Variants in DGKI observed in about 807,000 individuals in gnomAD.
DGKI encodes the protein diacylglycerol kinase iota, also known as DAG kinase iota.
DGKI carries 55 observed loss-of-function variants against 147.5 expected under a neutral mutation model. The observed-to-expected ratio is 0.37, with a 90% confidence interval of 0.30 to 0.47. The LOEUF (loss-of-function observed/expected upper bound fraction) is 0.47. Among genes scored for constraint, DGKI ranks in the 20% least tolerant of loss-of-function variants. DGKI has a pLI of 1.00. For missense variants in DGKI, 1,007 were observed against 1,323.8 expected (o/e 0.76, Z 3.71); for synonymous variants, 469 against 477.1 (o/e 0.98, Z 0.22).
intron 17 of DGKI, among the ~76,000 whole-genome samples, chr7:137,575,459 G>A (rs1253043847): frequency 6.6e-6 from 1 of 152,164 alleles, no homozygotes; most frequent in Non-Finnish European, 1.5e-5. Flanking sequence ...TATCAATCCG[G>A]TGACTTGCAC....
chr7:137,469,827 G>A (rs1419343190), intron 23 of DGKI, among the ~76,000 whole-genome samples: 3 of 152,020 alleles, frequency 2.0e-5, no homozygotes, highest in South Asian at 2.1e-4. Flanking sequence ...AAATTAGCAT[G>A]AGGTTTTTAA....
intron 28 of DGKI, among the ~76,000 whole-genome samples, chr7:137,436,334 A>G (rs1031178000): frequency 3.9e-5 from 6 of 152,148 alleles, no homozygotes; most frequent in Non-Finnish European, 7.4e-5. Context: ...AAAAATTCCC[A>G]TCTTTAATAA....
At chr7:137,504,479 A>T (rs1816296207) in intron 21 of DGKI, among the ~76,000 whole-genome samples, 2 of 152,214 alleles carry the variant, frequency 1.3e-5, no homozygotes, top group Admixed American at 6.5e-5. Context: ...GCTTTTTAAA[A>T]AAGGTTATCA....
chr7:137,846,680 C>T lies in DGKI; in HGVS notation c.183G>A (p.Glu61=), dbSNP rs531052468. The part of the protein sequence containing the change: ...GAMNPSSSAG[E]EKGATGGSSS... The stretch of plus-strand genomic sequence containing the variant: ...TGCTGCCGCCCGTCGCCCCTTTCTC[C>T]TCTCCCGCCGAGGAGCTGGGGTTCA... The change falls in exon 1 of 33, where the codon GAG becomes GAA. Residue 61 remains glutamate, a synonymous_variant. Coordinates refer to ENST00000614521, the MANE Select transcript of DGKI (RefSeq NM_001321708.2). The surrounding 1 kb of genome is among the most constrained non-coding windows in gnomAD (Gnocchi z 4.0). 1.1e-4 allele frequency: 123 copies of T among 1,071,286 alleles called. No individual in the cohort carries two copies. In the African/African-American group the frequency reaches 2.0e-3, roughly 17 times the overall value. 66.4% of individuals were successfully genotyped at this position (1,071,286 alleles called of 1,614,324 possible). A position where few individuals can be genotyped will look rare whatever the true frequency, so the allele number is the denominator to read the frequency against.
rs1431669704 is a variant in DGKI, at chr7:137,388,206, T to C, written c.*3014A>G. The C allele has an allele frequency of 2.6e-5, 4 of 152,226 alleles. No individual in the cohort carries two copies. The highest frequency in any genetic ancestry group is 9.6e-5 in the African/African-American group (4 of 41,460). The allele number at this position is 152,226 out of a possible 1,614,324, so 9.4% of individuals were successfully genotyped here. On this transcript the variant is annotated 3_prime_UTR_variant, in exon 33 of 33. Coordinates refer to ENST00000614521, the MANE Select transcript of DGKI (RefSeq NM_001321708.2). ...TACTAATCTTCTCTCTTATTCTTTA[T>C]GAAGTCCTTGAATACGATAAAGCAC...
chr7:137,588,744 G>A (rs975954761), intron 12 of DGKI, among the ~76,000 whole-genome samples: 1 of 152,076 alleles, frequency 6.6e-6, no homozygotes, highest in African/African-American at 2.4e-5. Flanking sequence ...CCAAAGTGCT[G>A]GGATTACAGG....
intron 1 of DGKI, among the ~76,000 whole-genome samples, chr7:137,715,972 G>T (rs946341796): frequency 6.6e-6 from 1 of 152,168 alleles, no homozygotes; most frequent in Non-Finnish European, 1.5e-5. Context: ...CCTTGTGCTG[G>T]TTACAAAAAG....
chr7:137,705,031 A>G lies in DGKI; in HGVS notation c.402-15029T>C, dbSNP rs1306958695. Among the ~76,000 whole-genome samples, 7 of 152,208 alleles carry G rather than the reference A, an allele frequency of 4.6e-5. No homozygotes were observed. In the East Asian group the frequency reaches 9.6e-4, roughly 21 times the overall value. On this transcript the variant is annotated intron_variant, in intron 1 of 32. Transcript: ENST00000614521. The stretch of plus-strand genomic sequence containing the variant: ...GAAAAAAATGCTCAATACTTTAGCT[A>G]TCTGGGTAATGTAAAGTAAATCCAA...
rs765984551 is a variant in DGKI, at chr7:137,585,358, G to T, written c.1426-12C>A. On this transcript the variant is annotated splice_polypyrimidine_tract_variant and intron_variant, in intron 13 of 32. Coordinates refer to ENST00000614521, the MANE Select transcript of DGKI (RefSeq NM_001321708.2). ...TCATCAGTGTAGCCCTGAGGAATCA[G>T]AGAACATATCCATTGCTGTCCAGAG... is the stretch of plus-strand genomic sequence containing the variant. The T allele has an allele frequency of 1.9e-6, 3 of 1,613,544 alleles. No homozygotes were observed.
chr7:137,663,382 T>C (rs1276597023), intron 3 of DGKI, among the ~76,000 whole-genome samples: 2 of 152,230 alleles, frequency 1.3e-5, no homozygotes, highest in African/African-American at 4.8e-5. Flanking sequence ...AAAAAGGGTC[T>C]AGCAGAGAAA....
chr7:137,382,013 CAGA>C lies in DGKI; in HGVS notation c.*9204_*9206del, dbSNP rs1811072774. The stretch of plus-strand genomic sequence containing the variant: ...TGGCGAATAAAAATTCTTTGATCTC[CAGA>C]AGATCAGGAGATCAGGAGCCATTTG... On this transcript the variant is annotated 3_prime_UTR_variant, in exon 33 of 33. Transcript: ENST00000614521. The C allele has an allele frequency of 6.6e-6, 1 of 151,900 alleles. No individual in the cohort carries two copies. The highest frequency in any genetic ancestry group is 2.4e-5 in the African/African-American group (1 of 41,354). The allele number at this position is 151,900 out of a possible 1,614,324, so 9.4% of individuals were successfully genotyped here.
intron 20 of DGKI, among the ~76,000 whole-genome samples, chr7:137,528,053 A>G (rs887519381): frequency 1.3e-5 from 2 of 152,222 alleles, no homozygotes; most frequent in African/African-American, 2.4e-5. Flanking sequence ...GTTTTTGAAC[A>G]AATGAGTAAA....
chr7:137,460,961 T>C (rs1459337528), intron 27 of DGKI, among the ~76,000 whole-genome samples: 1 of 152,212 alleles, frequency 6.6e-6, no homozygotes, highest in African/African-American at 2.4e-5. Flanking sequence ...TTACCACCAT[T>C]ATATTTTGTT....
intron 1 of DGKI, among the ~76,000 whole-genome samples, chr7:137,712,472 A>G (rs1415273119): frequency 3.3e-5 from 5 of 152,228 alleles, no homozygotes; most frequent in Non-Finnish European, 7.3e-5. Flanking sequence ...AGAATGTGCA[A>G]TAATAAAAAT....
chr7:137,731,650 C>T (rs1342197314), intron 1 of DGKI, among the ~76,000 whole-genome samples: 3 of 152,100 alleles, frequency 2.0e-5, no homozygotes, highest in African/African-American at 7.2e-5. Context: ...ACTCACATTT[C>T]TCCTTGCATT....
chr7:137,757,196 G>A (rs559509545), intron 1 of DGKI, among the ~76,000 whole-genome samples: 24 of 151,878 alleles, frequency 1.6e-4, no homozygotes, highest in Non-Finnish European at 2.6e-4. Flanking sequence ...CTGGGTCATC[G>A]GGCTTCCCCC....
intron 21 of DGKI, among the ~76,000 whole-genome samples, chr7:137,506,023 C>G (rs1816357047): frequency 6.6e-6 from 1 of 152,170 alleles, no homozygotes; most frequent in South Asian, 2.1e-4. Flanking sequence ...TAGAAAACAG[C>G]ACAGCCACGT....
rs190096435 is a variant in DGKI, at chr7:137,381,406, G to C, written c.*9814C>G. 4 of 150,036 alleles carry C rather than the reference G, an allele frequency of 2.7e-5. 1 individual carries two copies. The Admixed American group carries it at 2.7e-4, about 10-fold the overall frequency. The allele number at this position is 150,036 out of a possible 1,614,324, so 9.3% of individuals were successfully genotyped here. On this transcript the variant is annotated 3_prime_UTR_variant, in exon 33 of 33. Coordinates refer to ENST00000614521, the MANE Select transcript of DGKI (RefSeq NM_001321708.2). Reference sequence around the variant, plus strand: ...TGCTACTTGTTTATGGATTCCACCTGCCAGCTGGCAGCTTTGCAAAAGCAT... The same window carrying C: ...TGCTACTTGTTTATGGATTCCACCTCCCAGCTGGCAGCTTTGCAAAAGCAT...
chr7:137,572,747 A>G lies in DGKI; in HGVS notation c.1835+18T>C. 6.4e-7 allele frequency: 1 copy of G among 1,557,482 alleles called. No individual in the cohort carries two copies. The highest frequency in any genetic ancestry group is 2.3e-5 in the East Asian group (1 of 44,306). On this transcript the variant is annotated intron_variant, in intron 18 of 32. Coordinates refer to ENST00000614521, the MANE Select transcript of DGKI (RefSeq NM_001321708.2). ...AGAGTTCACGTCAAACCAAGGAAACAATACAAACAGAGCCTACCTGGGTAT... is the reference window on the plus strand; with the variant it reads ...AGAGTTCACGTCAAACCAAGGAAACGATACAAACAGAGCCTACCTGGGTAT...
Sources: gnomAD v4.1 joint callset for allele counts (sites outside exome capture counted in the v4.1 genomes callset) on GRCh38, gnomAD v4.1.1 for gene constraint, Gnocchi (gnomAD v3.1) non-coding constraint, MANE v1.5 for transcripts, NCBI Gene and HGNC (gene_info 2026-07-23, HGNC 2026-07-21) for gene names.